Variants in ADGRL3 observed in about 807,000 individuals in gnomAD.
ADGRL3 encodes the protein calcium-independent alpha-latrotoxin receptor 3.
ADGRL3 carries 62 observed loss-of-function variants against 153.5 expected under a neutral mutation model. That is an observed-to-expected ratio of 0.40 (90% CI 0.33 to 0.50). ADGRL3 has a LOEUF of 0.50. Ranked by LOEUF, ADGRL3 falls within the 20% of genes least tolerant of loss-of-function variation. The pLI is 0.47. For synonymous variants in ADGRL3, 710 were observed against 672.5 expected, an observed-to-expected ratio of 1.06 and a Z score of -0.86; for missense variants, 1,641 against 1,859.4, an observed-to-expected ratio of 0.88 and a Z score of 2.16.
chr4:61,428,936 TC>T (rs1483927344), intron 2 of ADGRL3, among the ~76,000 whole-genome samples: 1 of 150,316 alleles, frequency 6.7e-6, no homozygotes, highest in African/African-American at 2.5e-5. Context: ...TATCTATCTA[TC>T]TATCTGTCAT....
intron 9 of ADGRL3, among the ~76,000 whole-genome samples, chr4:61,891,323 G>T (rs575249498): frequency 5.3e-5 from 8 of 152,106 alleles, no homozygotes; most frequent in Admixed American, 1.3e-4. Context: ...CTGCCTTCTT[G>T]TATGAAATTT....
chr4:61,903,398 T>G (rs1052237311), intron 11 of ADGRL3, among the ~76,000 whole-genome samples: 3 of 152,172 alleles, frequency 2.0e-5, no homozygotes, highest in Non-Finnish European at 2.9e-5. Context: ...TGATCTTTTA[T>G]GCACCTCGTC....
chr4:61,891,950 G>C (rs2098590443), intron 9 of ADGRL3, among the ~76,000 whole-genome samples: 1 of 152,118 alleles, frequency 6.6e-6, no homozygotes, highest in African/African-American at 2.4e-5. Flanking sequence ...TTGGAACTTG[G>C]AATACATTTT....
chr4:61,903,275 G>A (rs76558028), intron 11 of ADGRL3, among the ~76,000 whole-genome samples: 3,266 of 152,060 alleles, frequency 0.021, 62 homozygotes, highest in Non-Finnish European at 0.032. Context: ...TACCTTTCAA[G>A]GTTTCACTTG....
intron 2 of ADGRL3, among the ~76,000 whole-genome samples, chr4:61,392,040 T>G (rs2152021271): frequency 6.6e-6 from 1 of 150,432 alleles, no homozygotes; most frequent in East Asian, 2.0e-4. Context: ...TTTTTTTTTT[T>G]TTGTATTTTT....
At chr4:61,969,952 T>A (rs2099020925) in intron 17 of ADGRL3, among the ~76,000 whole-genome samples, 1 of 152,160 alleles carries the variant, frequency 6.6e-6, no homozygotes, top group Non-Finnish European at 1.5e-5. Flanking sequence ...AATCTGAGGC[T>A]TTTTATGTCT....
intron 4 of ADGRL3, among the ~76,000 whole-genome samples, chr4:61,560,552 C>A (rs2098790502): frequency 6.6e-6 from 1 of 152,022 alleles, no homozygotes; most frequent in South Asian, 2.1e-4. Flanking sequence ...ATGGGGGATA[C>A]CTGCCTTTGG....
At chr4:61,405,155 G>C (rs1465590098) in intron 2 of ADGRL3, among the ~76,000 whole-genome samples, 1 of 151,898 alleles carries the variant, frequency 6.6e-6, no homozygotes, top group African/African-American at 2.4e-5. Flanking sequence ...TGAGTCTTTG[G>C]AACCACTGCT....
intron 3 of ADGRL3, among the ~76,000 whole-genome samples, chr4:61,503,514 A>G (rs900103075): frequency 7.9e-5 from 12 of 152,032 alleles, no homozygotes; most frequent in Non-Finnish European, 1.3e-4. Flanking sequence ...ATTTACTTTA[A>G]TCCTCAGTGT....
intron 2 of ADGRL3, among the ~76,000 whole-genome samples, chr4:61,437,800 T>G (rs1004433574): frequency 6.6e-6 from 1 of 152,162 alleles, no homozygotes; most frequent in African/African-American, 2.4e-5. Flanking sequence ...GCTCCATACT[T>G]AACTCATGTT....
intron 8 of ADGRL3, among the ~76,000 whole-genome samples, chr4:61,776,700 A>T (rs2097155581): frequency 6.6e-6 from 1 of 152,208 alleles, no homozygotes; most frequent in Admixed American, 6.5e-5. Context: ...ACATAAAAGA[A>T]CTACTTGAAT....
chr4:61,650,847 TG>T (rs1420724112), intron 5 of ADGRL3, among the ~76,000 whole-genome samples: 2 of 152,158 alleles, frequency 1.3e-5, no homozygotes, highest in Non-Finnish European at 2.9e-5. Context: ...AAAGTGAATA[TG>T]GTTTCTAGGT....
intron 12 of ADGRL3, 63 bp from the exon 13 acceptor site, chr4:61,912,656 T>C: frequency 1.4e-6 from 2 of 1,424,550 alleles, no homozygotes; most frequent in Non-Finnish European, 2.0e-6. Flanking sequence ...TTTTTCTTGT[T>C]TTCTTCTGTC....
At chr4:61,493,184 T>A (rs2098275918) in intron 2 of ADGRL3, among the ~76,000 whole-genome samples, 1 of 152,200 alleles carries the variant, frequency 6.6e-6, no homozygotes, top group Non-Finnish European at 1.5e-5. Context: ...TTATTATATA[T>A]ATCCTCTAAT....
At chr4:61,540,896 G>A (rs10015239) in intron 4 of ADGRL3, among the ~76,000 whole-genome samples, 85,158 of 151,874 alleles carry the variant, frequency 0.56, 24,077 homozygotes, top group African/African-American at 0.62. Context: ...TAAAATGATC[G>A]TTTCACTGAA....
intron 6 of ADGRL3, among the ~76,000 whole-genome samples, chr4:61,729,077 G>C (rs73823219): frequency 6.6e-6 from 1 of 151,660 alleles, no homozygotes; most frequent in Non-Finnish European, 1.5e-5. Flanking sequence ...GGGGGGTGAG[G>C]GTTGAAAAAC....
Position 61,200,342 on chromosome 4 carries a change from C to A in ADGRL3, c.-1663C>A, listed in dbSNP as rs1310758070. Among the ~76,000 whole-genome samples the A allele has an allele frequency of 6.6e-6, 1 of 151,910 alleles. No individual in the cohort carries two copies. Among genetic ancestry groups the A allele is most frequent in the Middle Eastern group, 3.2e-3 (1 of 312 alleles). On this transcript the variant is annotated 5_prime_UTR_variant, in exon 1 of 27. Transcript: ENST00000683033. Reference sequence around the variant, plus strand: ...CCGCTGCTCATTCTGGCCTCCGCTCCGGCCCCGGCTGCGCCTACCCCGCGC... The same window carrying A: ...CCGCTGCTCATTCTGGCCTCCGCTCAGGCCCCGGCTGCGCCTACCCCGCGC...
intron 9 of ADGRL3, among the ~76,000 whole-genome samples, chr4:61,887,425 TTG>T (rs1427507491): frequency 5.3e-5 from 8 of 152,220 alleles, no homozygotes; most frequent in African/African-American, 1.4e-4. Context: ...TAGTTACTAC[TTG>T]TATGATTATA....
chr4:62,003,998 CTTA>C (rs1368274888), intron 21 of ADGRL3, among the ~76,000 whole-genome samples: 1 of 151,972 alleles, frequency 6.6e-6, no homozygotes, highest in Admixed American at 6.6e-5. Context: ...CCCATAATAA[CTTA>C]TTATATTTCT....
Sources: allele counts gnomAD v4.1 joint callset (sites outside exome capture counted in the v4.1 genomes callset), GRCh38; gene constraint gnomAD v4.1.1; transcripts MANE v1.5; gene names NCBI Gene and HGNC (gene_info 2026-07-23, HGNC 2026-07-21).